The following ZFHX3 variants were observed in gnomAD, a reference collection of about 807,000 sequenced individuals.
ZFHX3 encodes the protein zinc finger homeobox 3.
Under a neutral mutation model 279.1 loss-of-function variants are expected in ZFHX3, and 42 were observed. The ratio of observed to expected loss-of-function variants is 0.15; its 90% CI spans 0.12 to 0.19. The LOEUF (loss-of-function observed/expected upper bound fraction) is 0.19. Ranked by LOEUF, ZFHX3 falls within the 10% of genes least tolerant of loss-of-function variation. ZFHX3 has a pLI of 1.00. For missense variants in ZFHX3, 4,981 were observed against 4,754.0 expected, an observed-to-expected ratio of 1.05 and a Z score of -1.40; for synonymous variants, 2,293 against 1,957.8, an observed-to-expected ratio of 1.17 and a Z score of -4.52.
intron 1 of ZFHX3, among the ~76,000 whole-genome samples, chr16:73,704,750 C>G (rs2053287177): frequency 6.6e-6 from 1 of 152,122 alleles, no homozygotes; most frequent in Non-Finnish European, 1.5e-5. Flanking sequence ...CGGGGTATAG[C>G]CAAGAATGAT....
chr16:73,467,640 G>A lies in ZFHX3; in HGVS notation c.-1546-11382C>T, dbSNP rs1002755547. On this transcript the variant is annotated intron_variant, in intron 2 of 17. Coordinates refer to the ZFHX3 transcript ENST00000641206. ...TTGAACGTAGGTGGTGAGTGTATGG[G>A]TATTCACTGAAAAGTTTTATTTTGT... Among the ~76,000 whole-genome samples the A allele has an allele frequency of 1.9e-4, 29 of 152,152 alleles. 1 individual carries two copies. The highest frequency in any genetic ancestry group is 2.9e-5 in the Non-Finnish European group (2 of 68,034).
At position 72,795,425 on chromosome 16, in the gene ZFHX3, G is replaced by A; in HGVS notation, c.7257C>T (p.Phe2419=). ...LTAEAEELAT[F]NSKTEAGDEK... ...CATCGCCTGCCTCTGTTTTTGAATTGAAGGTGGCCAGTTCCTCAGCCTCCG... is the reference window on the plus strand; with the variant it reads ...CATCGCCTGCCTCTGTTTTTGAATTAAAGGTGGCCAGTTCCTCAGCCTCCG... Residue 2419 remains phenylalanine, a synonymous_variant, in exon 9 of 10, where the codon TTC becomes TTT. Coordinates refer to ENST00000268489, the MANE Select transcript of ZFHX3 (RefSeq NM_006885.4). The A allele has an allele frequency of 6.2e-7, 1 of 1,614,146 alleles. No individual in the cohort carries two copies. Among genetic ancestry groups the A allele is most frequent in the Non-Finnish European group, 8.5e-7 (1 of 1,180,032 alleles).
chr16:72,790,058 A>G (rs1409406988), intron 9 of ZFHX3: 1 of 152,334 alleles, frequency 6.6e-6, no homozygotes, highest in Non-Finnish European at 1.5e-5. Context: ...ACTCCCTGCA[A>G]CGCCTTCACC....
intron 5 of ZFHX3, among the ~76,000 whole-genome samples, chr16:73,148,963 A>G (rs1297651187): frequency 6.6e-6 from 1 of 151,354 alleles, no homozygotes; most frequent in Non-Finnish European, 1.5e-5. Flanking sequence ...AAACAAGAGG[A>G]TGATTGTATT....
At chr16:72,948,766 T>C (rs1046524699) in intron 3 of ZFHX3, among the ~76,000 whole-genome samples, 2 of 152,216 alleles carry the variant, frequency 1.3e-5, no homozygotes, top group East Asian at 1.9e-4. Context: ...GCCGAGTCCT[T>C]TGTACAAATT....
intron 1 of ZFHX3, among the ~76,000 whole-genome samples, chr16:73,758,043 A>G (rs935446010): frequency 1.1e-4 from 17 of 152,198 alleles, no homozygotes; most frequent in African/African-American, 3.9e-4. Flanking sequence ...ATTGGCAGAC[A>G]TTTGCAAGAC....
chr16:73,070,927 C>T (rs1429187789), intron 8 of ZFHX3, among the ~76,000 whole-genome samples: 1 of 30,930 alleles, frequency 3.2e-5, no homozygotes, highest in Non-Finnish European at 7.6e-5. Context: ...CGCGCGCGCG[C>T]GCGCGCGCGC....
chr16:73,345,486 G>A (rs140329512), intron 3 of ZFHX3, among the ~76,000 whole-genome samples: 1 of 143,744 alleles, frequency 7.0e-6, no homozygotes, highest in East Asian at 2.1e-4. Context: ...GTTAGAACAT[G>A]CAGTGTTTCT....
chr16:73,227,615 G>A (rs1180752010), intron 5 of ZFHX3, among the ~76,000 whole-genome samples: 3 of 151,956 alleles, frequency 2.0e-5, no homozygotes, highest in Admixed American at 2.0e-4. Context: ...TTGGGAGGTC[G>A]AGGCAGGTGG....
chr16:72,954,077 TAAG>T (rs1961127382), intron 2 of ZFHX3, among the ~76,000 whole-genome samples: 1 of 152,068 alleles, frequency 6.6e-6, no homozygotes. Flanking sequence ...CCCCTATAAA[TAAG>T]AAACTGGGGC....
intron 2 of ZFHX3, among the ~76,000 whole-genome samples, chr16:73,515,384 G>A (rs1334890583): frequency 6.6e-6 from 1 of 152,048 alleles, no homozygotes; most frequent in Non-Finnish European, 1.5e-5. Context: ...TGCCAATGTG[G>A]TAGGGCTTAA....
chr16:73,799,418 C>A (rs1039223077), intron 1 of ZFHX3, among the ~76,000 whole-genome samples: 4 of 152,132 alleles, frequency 2.6e-5, no homozygotes, highest in Admixed American at 6.5e-5. Context: ...TACAGAGCAT[C>A]CAGACAGCAG....
At chr16:73,802,001 G>A (rs1269053503) in intron 1 of ZFHX3, among the ~76,000 whole-genome samples, 2 of 152,176 alleles carry the variant, frequency 1.3e-5, no homozygotes, top group Admixed American at 6.6e-5. Flanking sequence ...CAGCCCACCT[G>A]AAAGCATGCA....
chr16:73,610,938 G>A (rs1268571176), intron 2 of ZFHX3, among the ~76,000 whole-genome samples: 3 of 152,182 alleles, frequency 2.0e-5, no homozygotes, highest in Non-Finnish European at 4.4e-5. Context: ...ACAACAGGAA[G>A]ACTCTGAGAC....
At chr16:73,756,891 C>T (rs965440663) in intron 1 of ZFHX3, among the ~76,000 whole-genome samples, 1 of 152,086 alleles carries the variant, frequency 6.6e-6, no homozygotes, top group Non-Finnish European at 1.5e-5. Flanking sequence ...CAAGGAATAA[C>T]TTAAACCACA....
intron 1 of ZFHX3, among the ~76,000 whole-genome samples, chr16:73,883,801 G>A (rs760803622): frequency 1.3e-5 from 2 of 152,058 alleles, no homozygotes; most frequent in Non-Finnish European, 2.9e-5. Flanking sequence ...TTAGAAGGAT[G>A]AGGTGGTCAA....
chr16:73,139,454 C>T (rs1264406140), intron 6 of ZFHX3, among the ~76,000 whole-genome samples: 4 of 152,066 alleles, frequency 2.6e-5, no homozygotes, highest in African/African-American at 9.7e-5. Context: ...TGATAAATTG[C>T]TTGCATTTCT....
At chr16:73,624,067 T>C (rs1295939128) in intron 2 of ZFHX3, among the ~76,000 whole-genome samples, 1 of 152,204 alleles carries the variant, frequency 6.6e-6, no homozygotes, top group African/African-American at 2.4e-5. Context: ...GTATAAAAAT[T>C]TCATTTTGTC....
At chr16:73,331,762 G>A (rs575408109) in intron 3 of ZFHX3, among the ~76,000 whole-genome samples, 1 of 152,302 alleles carries the variant, frequency 6.6e-6, no homozygotes, top group East Asian at 1.9e-4. Flanking sequence ...CAGAGAATAT[G>A]TCAACATTTA....
Sources: gnomAD v4.1 joint callset for allele counts (sites outside exome capture counted in the v4.1 genomes callset) on GRCh38, gnomAD v4.1.1 for gene constraint, MANE v1.5 for transcripts, NCBI Gene and HGNC (gene_info 2026-07-23, HGNC 2026-07-21) for gene names.